The following PXK variants were observed in gnomAD, a reference collection of about 807,000 sequenced individuals.
PXK encodes PX domain-containing protein kinase-like protein.
In PXK, 35 loss-of-function variants were observed where a neutral mutation model predicts 84.7. The observed-to-expected ratio is 0.41, with a 90% CI of 0.32 to 0.55. The LOEUF is 0.55. Among genes scored for constraint, PXK ranks in the 20% least tolerant of loss-of-function variants. The pLI is 0.21. For synonymous variants in PXK, 253 were observed against 260.8 expected (o/e 0.97, Z 0.29); for missense variants, 634 against 699.7 (o/e 0.91, Z 1.06).
At chr3:58,408,852 C>A in intron 13 of PXK, 72 bp from the exon 14 acceptor site, 1 of 1,183,298 alleles carries the variant, frequency 8.5e-7, no homozygotes, top group Non-Finnish European at 1.3e-6. Context: ...CCTGCTCCTT[C>A]ATTTACTCCA....
At chr3:58,389,006 G>T (rs2098596129) in intron 4 of PXK, among the ~76,000 whole-genome samples, 2 of 152,098 alleles carry the variant, frequency 1.3e-5, no homozygotes, top group African/African-American at 4.8e-5. Flanking sequence ...TCACTGCAAT[G>T]AGGGGAAATG....
At chr3:58,348,498 C>G (rs1180918051) in intron 1 of PXK, among the ~76,000 whole-genome samples, 3 of 152,128 alleles carry the variant, frequency 2.0e-5, no homozygotes, top group Non-Finnish European at 4.4e-5. Flanking sequence ...ACATATGTAA[C>G]TTTACATTTT....
In PXK at chr3:58,424,998, T is replaced by A. The variant is rs146633978; in HGVS notation, c.*38T>A. On this transcript the variant is annotated 3_prime_UTR_variant, in exon 18 of 18. Transcript: ENST00000356151. ...ACACTTGGAGGGAAAAGTTCTTTTTTATTCCTACTCACCCCTACCCCCCAA... is the reference window on the plus strand; with the variant it reads ...ACACTTGGAGGGAAAAGTTCTTTTTAATTCCTACTCACCCCTACCCCCCAA... The A allele has an allele frequency of 7.6e-5, 122 of 1,609,736 alleles. 1 individual carries two copies. In the African/African-American group the frequency reaches 1.5e-3, roughly 20 times the overall value.
chr3:58,354,052 C>T (rs143985778), intron 1 of PXK, among the ~76,000 whole-genome samples: 77 of 152,242 alleles, frequency 5.1e-4, no homozygotes, highest in African/African-American at 1.6e-3. Flanking sequence ...CGGAGTGAAC[C>T]CAGAGGGGTG....
intron 3 of PXK, among the ~76,000 whole-genome samples, chr3:58,378,024 C>T (rs926245076): frequency 2.6e-5 from 4 of 152,286 alleles, no homozygotes; most frequent in East Asian, 1.9e-4. Flanking sequence ...CTCCCATGTC[C>T]GTACAACTTA....
At position 58,361,549 on chromosome 3, in the gene PXK, A is replaced by G. The variant is rs1431257127; in HGVS notation, c.103-4325A>G. On this transcript the variant is annotated intron_variant, in intron 1 of 17. Transcript: ENST00000356151. The stretch of plus-strand genomic sequence containing the variant: ...CCAGGTAACCATTAATCTGTTCTCC[A>G]TCTCTATAATTTTGTCACTTCAAGA... Among the ~76,000 whole-genome samples, 3 of 152,100 alleles carry G rather than the reference A, an allele frequency of 2.0e-5. No individual in the cohort carries two copies. The South Asian group carries it at 6.2e-4, about 32-fold the overall frequency.
In PXK at chr3:58,364,675, G is replaced by A. The variant is rs1477649900; in HGVS notation, c.103-1199G>A. ...GGCAGTGAGCTGAGATCGTGCCACT[G>A]CACTCCAGCCTGGGTGACAGAGTGA... On this transcript the variant is annotated intron_variant, in intron 1 of 17. Transcript: ENST00000356151. The surrounding 1 kb of genome is among the most constrained non-coding windows in gnomAD (Gnocchi z 4.3). Among the ~76,000 whole-genome samples the A allele has an allele frequency of 6.6e-6, 1 of 151,952 alleles. No individual in the cohort carries two copies. The highest frequency in any genetic ancestry group is 6.6e-5 in the Admixed American group (1 of 15,244).
At chr3:58,372,852 T>C (rs2098396555) in intron 3 of PXK, among the ~76,000 whole-genome samples, 1 of 152,032 alleles carries the variant, frequency 6.6e-6, no homozygotes, top group African/African-American at 2.4e-5. Flanking sequence ...CCAGACTTTT[T>C]ATAGTGAGCA....
At chr3:58,369,331 C>A in intron 2 of PXK, 100 bp from the exon 3 acceptor site, 1 of 890,348 alleles carries the variant, frequency 1.1e-6, no homozygotes, top group South Asian at 1.6e-5. Flanking sequence ...AGTGCCTGAG[C>A]TCTAGAGTGC....
At chr3:58,362,973 C>T (rs979269757) in intron 1 of PXK, among the ~76,000 whole-genome samples, 1 of 152,162 alleles carries the variant, frequency 6.6e-6, no homozygotes, top group Non-Finnish European at 1.5e-5. Context: ...GCCTTGGCCT[C>T]CCCAAATGCT....
chr3:58,395,025 G>A lies in PXK; in HGVS notation c.643G>A (p.Ala215Thr), dbSNP rs1248708046. The A allele has an allele frequency of 3.7e-6, 6 of 1,613,314 alleles. No individual in the cohort carries two copies. Among genetic ancestry groups the A allele is most frequent in the Admixed American group, 1.7e-5 (1 of 60,000 alleles). The change falls in exon 8 of 18, where the codon GCC becomes ACC. Residue 215 changes from alanine (A) to threonine (T), a missense_variant. By Grantham distance (58) the Ala-to-Thr change is moderately conservative. Coordinates refer to ENST00000356151, the MANE Select transcript of PXK (RefSeq NM_017771.5). ...CCCTTACATCTATCGGGTTACCTTT[G>A]CCACAGCTAATGAATCCTCAGCGTT... Reference protein sequence around the residue: ...LHPYIYRVTFATANESSALLI... With the variant: ...LHPYIYRVTFTTANESSALLI...
chr3:58,403,699 G>A (rs1419868953), intron 12 of PXK, among the ~76,000 whole-genome samples, 163 bp from the exon 13 acceptor site: 1 of 152,164 alleles, frequency 6.6e-6, no homozygotes, highest in Non-Finnish European at 1.5e-5. Context: ...AAATCCCTTT[G>A]CATTTGTTAA....
At chr3:58,402,836 G>T (rs2058799830) in intron 12 of PXK, among the ~76,000 whole-genome samples, 1 of 150,762 alleles carries the variant, frequency 6.6e-6, no homozygotes, top group Admixed American at 6.6e-5. Flanking sequence ...AGGTGTGGGG[G>T]TACATGCGAA....
At chr3:58,413,493 C>T (rs2060514512) in intron 17 of PXK, 1 of 152,536 alleles carries the variant, frequency 6.6e-6, no homozygotes, top group African/African-American at 2.4e-5. Context: ...CTGTTATTAG[C>T]CTTTGCTTCA....
chr3:58,339,682 A>G (rs2097693205), intron 1 of PXK, among the ~76,000 whole-genome samples: 1 of 152,148 alleles, frequency 6.6e-6, no homozygotes, highest in African/African-American at 2.4e-5. Flanking sequence ...GAAATCTAAG[A>G]TTCTGGGGCT....
chr3:58,332,919 C>T lies in PXK; in HGVS notation c.-70C>T, dbSNP rs2097519861. ...TGACAGCGGCGGCGGTGGAACCGGG[C>T]GGGCGGCGGGAGTCGGCGCCTCGGG... is the stretch of plus-strand genomic sequence containing the variant. On this transcript the variant is annotated 5_prime_UTR_variant, in exon 1 of 18. Transcript: ENST00000356151. This position sits in a 1 kb window ranked among gnomAD's most constrained non-coding sequence, Gnocchi z 5.6. The T allele has an allele frequency of 1.3e-5, 13 of 1,003,616 alleles. No homozygotes were observed. Among genetic ancestry groups the T allele is most frequent in the East Asian group, 8.8e-5 (2 of 22,600 alleles). 62.2% of individuals were successfully genotyped at this position (1,003,616 alleles called of 1,614,324 possible).
intron 1 of PXK, among the ~76,000 whole-genome samples, chr3:58,350,690 TC>T (rs1260766102): frequency 6.6e-6 from 1 of 152,156 alleles, no homozygotes. Context: ...ACGCCTCCCT[TC>T]AGACATTGTT....
intron 3 of PXK, among the ~76,000 whole-genome samples, chr3:58,378,503 T>TTTTC: frequency 1.2e-5 from 1 of 80,776 alleles, no homozygotes; most frequent in East Asian, 3.3e-4. Flanking sequence ...TTTTTTTTTT[T>TTTTC]TTTTTTTTTT....
intron 7 of PXK, 62 bp downstream of exon 7, chr3:58,391,909 G>T: frequency 6.9e-7 from 1 of 1,454,778 alleles, no homozygotes. Context: ...TTTTTTCTGG[G>T]TGAACATGGA....
Sources: gnomAD v4.1 joint callset for allele counts (sites outside exome capture counted in the v4.1 genomes callset) on GRCh38, gnomAD v4.1.1 for gene constraint, Gnocchi (gnomAD v3.1) non-coding constraint, MANE v1.5 for transcripts, NCBI Gene and HGNC (gene_info 2026-07-23, HGNC 2026-07-21) for gene names.